TRIM2: variants seen among roughly 807,000 people sequenced by gnomAD.
The protein encoded by TRIM2 is tripartite motif-containing protein 2.
Under a neutral mutation model 75.2 loss-of-function variants are expected in TRIM2, and 20 were observed. The ratio of observed to expected loss-of-function variants is 0.27; its 90% CI spans 0.19 to 0.39. The LOEUF (loss-of-function observed/expected upper bound fraction) is 0.39, where lower values mean the gene tolerates loss of function less well. Ranked by LOEUF, TRIM2 falls within the 10% of genes least tolerant of loss-of-function variation. The pLI, the probability that TRIM2 is intolerant of heterozygous loss-of-function variation, is 1.00. For synonymous variants in TRIM2, 373 were observed against 388.3 expected (o/e 0.96, Z 0.46); for missense variants, 660 against 990.8 (o/e 0.67, Z 4.48).
At chr4:153,244,296 TCCTCCTCCTCCTCCTCCTCCTCC>T (rs1560873562) in intron 1 of TRIM2, among the ~76,000 whole-genome samples, 1 of 35,776 alleles carries the variant, frequency 2.8e-5, no homozygotes, top group East Asian at 9.5e-4. Flanking sequence ...CTCCTCCTCC[TCCTCCTCCTCCTCCTCCTCCTCC>T]TCTTCTTCTT....
At chr4:153,255,628 G>A (rs538367831) in intron 1 of TRIM2, among the ~76,000 whole-genome samples, 3 of 152,100 alleles carry the variant, frequency 2.0e-5, no homozygotes, top group South Asian at 4.1e-4. Flanking sequence ...CAGAACATAC[G>A]TCCGCACAAA....
intron 1 of TRIM2, among the ~76,000 whole-genome samples, chr4:153,233,766 ACATT>A (rs1028062804): frequency 1.3e-5 from 2 of 152,188 alleles, no homozygotes; most frequent in African/African-American, 4.8e-5. Flanking sequence ...ATGGATGCAT[ACATT>A]CAGGGTCTAT....
At chr4:153,157,563 A>T (rs1729349299) in intron 1 of TRIM2, among the ~76,000 whole-genome samples, 1 of 152,176 alleles carries the variant, frequency 6.6e-6, no homozygotes, top group South Asian at 2.1e-4. Context: ...TGCCAAAACC[A>T]TAGGCTCGGG....
chr4:153,294,514 G>A, intron 5 of TRIM2, 29 bp downstream of exon 5: 1 of 1,602,658 alleles, frequency 6.2e-7, no homozygotes, highest in Non-Finnish European at 8.5e-7. Flanking sequence ...CAGATGTCCT[G>A]GAAGAGACAT....
chr4:153,294,104 A>T (rs937872720), intron 4 of TRIM2, among the ~76,000 whole-genome samples: 1 of 149,508 alleles, frequency 6.7e-6, no homozygotes, highest in Non-Finnish European at 1.5e-5. Flanking sequence ...TGAAATTGAC[A>T]ATTTTGATTG....
chr4:153,205,986 C>A (rs1579534239), intron 1 of TRIM2, among the ~76,000 whole-genome samples: 1 of 152,180 alleles, frequency 6.6e-6, no homozygotes, highest in East Asian at 1.9e-4. Context: ...TCTGACTCTG[C>A]CAGTGAACTT....
intron 6 of TRIM2, chr4:153,308,449 G>A (rs1765508242): frequency 2.5e-6 from 2 of 796,666 alleles, no homozygotes; most frequent in Non-Finnish European, 2.3e-6. Flanking sequence ...TACTGAGCAG[G>A]TGTCTTTAAT....
intron 1 of TRIM2, among the ~76,000 whole-genome samples, chr4:153,174,769 T>C (rs1731240145): frequency 6.6e-6 from 1 of 152,174 alleles, no homozygotes; most frequent in Admixed American, 6.5e-5. Flanking sequence ...GAATAAAAGG[T>C]CATTAACAAG....
At chr4:153,209,773 C>T (rs567549971) in intron 1 of TRIM2, among the ~76,000 whole-genome samples, 1 of 152,142 alleles carries the variant, frequency 6.6e-6, no homozygotes, top group South Asian at 2.1e-4. Context: ...ATCTGTAGTA[C>T]CCTCAAAGCC....
At chr4:153,288,709 T>C (rs1042380155) in intron 3 of TRIM2, among the ~76,000 whole-genome samples, 1 of 152,066 alleles carries the variant, frequency 6.6e-6, no homozygotes, top group Non-Finnish European at 1.5e-5. Context: ...TCTGGGACTC[T>C]CATTAGGTAT....
intron 3 of TRIM2, among the ~76,000 whole-genome samples, chr4:153,281,004 A>C (rs1345931010): frequency 6.6e-6 from 1 of 152,166 alleles, no homozygotes; most frequent in African/African-American, 2.4e-5. Flanking sequence ...TAATATGTAA[A>C]AGCACTTACA....
At chr4:153,307,545 C>T (rs1429189884) in intron 6 of TRIM2, among the ~76,000 whole-genome samples, 2 of 152,168 alleles carry the variant, frequency 1.3e-5, no homozygotes, top group African/African-American at 4.8e-5. Context: ...ATAGACTTCA[C>T]TTCCAATTCC....
At position 153,165,588 on chromosome 4, in the gene TRIM2, C is replaced by T. The variant is rs993075715; in HGVS notation, c.-49+12318C>T. Among the ~76,000 whole-genome samples, 3 of 152,154 alleles carry T rather than the reference C, an allele frequency of 2.0e-5. No homozygotes were observed. The East Asian group carries it at 5.8e-4, about 29-fold the overall frequency. On this transcript the variant is annotated intron_variant, in intron 1 of 11. Transcript: ENST00000437508. ...GCTCAAGCCATCCTCCCATCTAAGC[C>T]TCCCAAAGTCTCAAAATTTATTTAT... is the stretch of plus-strand genomic sequence containing the variant.
At chr4:153,213,459 GCT>G (rs1342498500) in intron 1 of TRIM2, among the ~76,000 whole-genome samples, 35 of 152,206 alleles carry the variant, frequency 2.3e-4, no homozygotes, top group African/African-American at 8.4e-4. Context: ...AAAGTGATGG[GCT>G]CTGTTTCAAG....
intron 1 of TRIM2, among the ~76,000 whole-genome samples, chr4:153,192,541 AGTTTACG>A (rs1733305396): frequency 6.6e-6 from 1 of 151,588 alleles, no homozygotes; most frequent in African/African-American, 2.4e-5. Flanking sequence ...TGGAAGGTCA[AGTTTACG>A]GTGAGCCATG....
intron 1 of TRIM2, among the ~76,000 whole-genome samples, chr4:153,175,083 C>T (rs545699404): frequency 1.6e-4 from 25 of 152,122 alleles, no homozygotes; most frequent in African/African-American, 5.8e-4. Context: ...AATCTCGGCT[C>T]GCTGCAACCT....
chr4:153,264,867 A>T (rs1369794820), intron 1 of TRIM2, among the ~76,000 whole-genome samples: 1 of 152,164 alleles, frequency 6.6e-6, no homozygotes, highest in Non-Finnish European at 1.5e-5. Context: ...CGATTCTTGG[A>T]GTTCTAAAAA....
chr4:153,177,707 C>CTCCTTCCTTCCTTCCT (rs60499669), intron 1 of TRIM2, among the ~76,000 whole-genome samples: 18,151 of 133,796 alleles, frequency 0.14, 1,562 homozygotes, highest in Non-Finnish European at 0.15. Context: ...TGGTGGCTCG[C>CTCCTTCCTTCCTTCCT]TCCTTCCTTC....
intron 1 of TRIM2, among the ~76,000 whole-genome samples, chr4:153,161,581 T>C (rs1241764220): frequency 6.6e-6 from 1 of 152,194 alleles, no homozygotes; most frequent in African/African-American, 2.4e-5. Context: ...GCAGAATCCT[T>C]GGGAATATTC....
Sources: gnomAD v4.1 joint callset for allele counts (sites outside exome capture counted in the v4.1 genomes callset) on GRCh38, gnomAD v4.1.1 for gene constraint, MANE v1.5 for transcripts, NCBI Gene and HGNC (gene_info 2026-07-23, HGNC 2026-07-21) for gene names.